SH3BP4: variants seen among roughly 807,000 people sequenced by gnomAD.
The protein encoded by SH3BP4 is SH3 domain-binding protein 4.
Under a neutral mutation model 65.5 loss-of-function variants are expected in SH3BP4, and 33 were observed. The ratio of observed to expected loss-of-function variants is 0.50; its 90% CI spans 0.38 to 0.67. The LOEUF is 0.67. SH3BP4 is among the 30% of genes least tolerant of loss of function. SH3BP4 has a pLI of 0.00. For missense variants in SH3BP4, 1,134 were observed against 1,261.4 expected (o/e 0.90, Z 1.53); for synonymous variants, 552 against 545.5 (o/e 1.01, Z -0.17).
At chr2:235,032,660 G>A (rs981794519) in intron 2 of SH3BP4, among the ~76,000 whole-genome samples, 7 of 152,108 alleles carry the variant, frequency 4.6e-5, no homozygotes, top group African/African-American at 7.2e-5. Context: ...AGCTCTACAC[G>A]CAGGCTGTGC....
At chr2:235,013,801 AG>A (rs1250462872) in intron 2 of SH3BP4, among the ~76,000 whole-genome samples, 4 of 152,192 alleles carry the variant, frequency 2.6e-5, no homozygotes, top group Non-Finnish European at 2.9e-5. Flanking sequence ...TGAAAGCCCC[AG>A]TGATTTGGTT....
Position 235,041,180 on chromosome 2 carries a change from G to T in SH3BP4, c.411G>T (p.Lys137Asn). The T allele has an allele frequency of 6.2e-7, 1 of 1,614,166 alleles. No individual in the cohort carries two copies. Among genetic ancestry groups the T allele is most frequent in the South Asian group, 1.1e-5 (1 of 91,088 alleles). ...CAGACAGCCCAGACGAGGTAGCCAAGGAGCTGGAGCTGCTCGGGGGATGGA... is the reference window on the plus strand; with the variant it reads ...CAGACAGCCCAGACGAGGTAGCCAATGAGCTGGAGCTGCTCGGGGGATGGA... The part of the protein sequence containing the change: ...NLPDSPDEVA[K>N]ELELLGGWTD... The change falls in exon 4 of 6, where the codon AAG (lysine) becomes AAT (asparagine). Residue 137 changes from lysine to asparagine, a missense_variant. Lys to Asn is a moderately conservative substitution (Grantham distance 94). Coordinates refer to ENST00000392011, the MANE Select transcript of SH3BP4 (RefSeq NM_014521.3). The surrounding 1 kb of genome is among the most constrained non-coding windows in gnomAD (Gnocchi z 6.0).
intron 2 of SH3BP4, among the ~76,000 whole-genome samples, chr2:235,018,997 C>T (rs1439281340): frequency 1.3e-5 from 2 of 152,162 alleles, no homozygotes; most frequent in East Asian, 1.9e-4. Flanking sequence ...AGCCAAGTGA[C>T]GTTCTGGAGC....
intron 2 of SH3BP4, among the ~76,000 whole-genome samples, chr2:235,002,195 G>A (rs974483893): frequency 6.6e-6 from 1 of 152,196 alleles, no homozygotes; most frequent in Non-Finnish European, 1.5e-5. Flanking sequence ...CAATTCTGGG[G>A]CCATCGTCAG....
rs1693953007 is a variant in SH3BP4 at position 234,997,244 on chromosome 2, A to G, written c.-133+1868A>G. Among the ~76,000 whole-genome samples, 1 of 152,214 alleles carries G rather than the reference A, an allele frequency of 6.6e-6. No individual in the cohort carries two copies. The highest frequency in any genetic ancestry group is 2.4e-5 in the African/African-American group (1 of 41,442). The stretch of plus-strand genomic sequence containing the variant: ...CGTTTTGCCTTGTTTTCCCAGAGGC[A>G]TACATGTAGTGTTTTCTTGGTGCCT... On this transcript the variant is annotated intron_variant, in intron 2 of 5. Transcript: ENST00000392011. The surrounding 1 kb of genome is among the most constrained non-coding windows in gnomAD (Gnocchi z 4.2).
intron 2 of SH3BP4, among the ~76,000 whole-genome samples, chr2:235,001,758 C>G (rs559491183): frequency 6.6e-6 from 1 of 152,210 alleles, no homozygotes; most frequent in African/African-American, 2.4e-5. Context: ...TGAGTTCTCA[C>G]GGACCGTTCG....
At chr2:234,984,029 G>A (rs191523142) in intron 1 of SH3BP4, among the ~76,000 whole-genome samples, 3 of 152,202 alleles carry the variant, frequency 2.0e-5, no homozygotes, top group Non-Finnish European at 4.4e-5. Flanking sequence ...AGGGAGTTAC[G>A]TTTGAGCAGA....
Position 235,053,709 on chromosome 2 carries a change from A to G in SH3BP4, c.2785A>G (p.Thr929Ala), listed in dbSNP as rs749309195. The change falls in exon 6 of 6, where the codon ACC becomes GCC. Residue 929 changes from threonine (T) to alanine (A), a missense_variant. By Grantham distance (58) the Thr-to-Ala change is moderately conservative. Transcript: ENST00000392011. ...CCTGGACAAGATGAAAAACCCCATC[A>G]CCAAGCGCTGGAAGCACCTCACTGG... ...LGLDKMKNPI[T>A]KRWKHLTGTL... is the part of the protein sequence containing the mutation. The G allele has an allele frequency of 6.2e-7, 1 of 1,614,108 alleles. No homozygotes were observed. Among genetic ancestry groups the G allele is most frequent in the South Asian group, 1.1e-5 (1 of 91,086 alleles).
intron 1 of SH3BP4, among the ~76,000 whole-genome samples, chr2:234,993,903 A>G (rs1206130173): frequency 2.6e-5 from 4 of 152,232 alleles, no homozygotes; most frequent in Non-Finnish European, 5.9e-5. Flanking sequence ...TGGCACCTGC[A>G]GTCCCGCCTG....
intron 1 of SH3BP4, among the ~76,000 whole-genome samples, chr2:234,982,221 C>G (rs747843574): frequency 2.0e-5 from 3 of 152,206 alleles, no homozygotes; most frequent in Non-Finnish European, 4.4e-5. Context: ...CTGGTGGTGC[C>G]TGGGCCTCTC....
intron 2 of SH3BP4, among the ~76,000 whole-genome samples, chr2:235,017,445 CAAAA>C (rs556712981): frequency 1.3e-5 from 1 of 74,972 alleles, no homozygotes; most frequent in Non-Finnish European, 3.3e-5. Context: ...GACTCAGTCT[CAAAA>C]AAAAAAAAAA....
At chr2:235,024,878 G>A (rs1395740761) in intron 2 of SH3BP4, among the ~76,000 whole-genome samples, 5 of 152,086 alleles carry the variant, frequency 3.3e-5, no homozygotes, top group African/African-American at 1.2e-4. Flanking sequence ...GAAGCTTTGC[G>A]GTCTTAAGTG....
chr2:235,012,577 G>C (rs1015186184), intron 2 of SH3BP4, among the ~76,000 whole-genome samples: 16 of 152,198 alleles, frequency 1.1e-4, no homozygotes, highest in African/African-American at 3.9e-4. Context: ...TGTGCCTGCA[G>C]GCCTGGCCTG....
rs1574837679 is a variant in SH3BP4 at position 235,034,766 on chromosome 2, A to G, written c.-132-105A>G. The G allele has an allele frequency of 1.2e-5, 6 of 518,710 alleles. No homozygotes were observed. The East Asian group carries it at 2.1e-4, about 18-fold the overall frequency. 32.1% of individuals were successfully genotyped at this position (518,710 alleles called of 1,614,324 possible). On this transcript the variant is annotated intron_variant, in intron 2 of 5. Coordinates refer to ENST00000392011, the MANE Select transcript of SH3BP4 (RefSeq NM_014521.3). This position sits in a 1 kb window ranked among gnomAD's most constrained non-coding sequence, Gnocchi z 6.2. ...GGAAAGATGAAATGGGTCTGTCCTC[A>G]TTAGAACAGCCTGGAAGAAAGAGGA...
chr2:235,005,781 G>A (rs1694274143), intron 2 of SH3BP4, among the ~76,000 whole-genome samples: 2 of 152,212 alleles, frequency 1.3e-5, no homozygotes, highest in African/African-American at 4.8e-5. Flanking sequence ...AATGCAGTGG[G>A]GGCAGAACGA....
At chr2:234,970,764 G>A (rs1377506431) in intron 1 of SH3BP4, among the ~76,000 whole-genome samples, 1 of 152,114 alleles carries the variant, frequency 6.6e-6, no homozygotes, top group African/African-American at 2.4e-5. Context: ...TGGGATTTAT[G>A]TGTCGTTTTC....
intron 2 of SH3BP4, chr2:235,008,578 C>T (rs2106292500): frequency 6.6e-6 from 1 of 152,322 alleles, no homozygotes; most frequent in East Asian, 1.9e-4. Context: ...AAGAAAGAAG[C>T]TTCTCCAAGC....
chr2:235,002,990 A>T (rs1228129166), intron 2 of SH3BP4, among the ~76,000 whole-genome samples: 2 of 152,232 alleles, frequency 1.3e-5, no homozygotes, highest in African/African-American at 4.8e-5. Flanking sequence ...AAAGAACTTG[A>T]AGTAACTTGA....
Position 234,978,538 on chromosome 2 carries a change from C to T in SH3BP4, c.-206-16765C>T, listed in dbSNP as rs578126609. 1 of 152,674 alleles carries T rather than the reference C, an allele frequency of 6.5e-6. No individual in the cohort carries two copies. The highest frequency in any genetic ancestry group is 1.9e-4 in the East Asian group (1 of 5,176). The allele number at this position is 152,674 out of a possible 1,614,324, so 9.5% of individuals were successfully genotyped here. On this transcript the variant is annotated intron_variant, in intron 1 of 5. Coordinates refer to ENST00000392011, the MANE Select transcript of SH3BP4 (RefSeq NM_014521.3). The surrounding 1 kb of genome is among the most constrained non-coding windows in gnomAD (Gnocchi z 4.1). ...ACTCTCCGGCTGGGCTCCTTTCCTG[C>T]TGCAGGTGCCGCGTCTCTTTCTTAA...
Sources: gnomAD v4.1 joint callset for allele counts (sites outside exome capture counted in the v4.1 genomes callset) on GRCh38, gnomAD v4.1.1 for gene constraint, Gnocchi (gnomAD v3.1) non-coding constraint, MANE v1.5 for transcripts, NCBI Gene and HGNC (gene_info 2026-07-23, HGNC 2026-07-21) for gene names.